Variants in AP1B1 observed in about 807,000 individuals in gnomAD.
AP1B1 encodes the protein adaptor related protein complex 1 subunit beta 1.
AP1B1 carries 36 observed loss-of-function variants against 104.3 expected under a neutral mutation model. The observed-to-expected ratio is 0.35, with a 90% CI of 0.26 to 0.46. The LOEUF (loss-of-function observed/expected upper bound fraction) is 0.46, where lower values mean the gene tolerates loss of function less well. Among genes scored for constraint, AP1B1 ranks in the 20% least tolerant of loss-of-function variants. The pLI is 1.00. For missense variants in AP1B1, 901 were observed against 1,247.9 expected (o/e 0.72, Z 4.19); for synonymous variants, 504 against 517.5 (o/e 0.97, Z 0.35).
At chr22:29,349,152 A>T (rs937939331) in intron 11 of AP1B1, 66 bp downstream of exon 11, 2 of 1,574,360 alleles carry the variant, frequency 1.3e-6, no homozygotes, top group Non-Finnish European at 1.7e-6. Flanking sequence ...GTTTCATGGC[A>T]GTATGGGCCA....
chr22:29,344,771 G>A lies in AP1B1; in HGVS notation c.1438-2388C>T, dbSNP rs929704386. Among the ~76,000 whole-genome samples, 7 of 151,930 alleles carry A rather than the reference G, an allele frequency of 4.6e-5. No individual in the cohort carries two copies. In the South Asian group the frequency reaches 6.2e-4, roughly 13 times the overall value. On this transcript the variant is annotated intron_variant, in intron 11 of 22. Transcript: ENST00000357586. ...TGACCTAAAGTGATCCACCCACCTCGGCCTCCCAAAGTACTGGGATTACAG... is the reference window on the plus strand; with the variant it reads ...TGACCTAAAGTGATCCACCCACCTCAGCCTCCCAAAGTACTGGGATTACAG...
chr22:29,372,412 G>A (rs1602791151), intron 1 of AP1B1, among the ~76,000 whole-genome samples: 2 of 131,096 alleles, frequency 1.5e-5, no homozygotes, highest in East Asian at 2.2e-4. Flanking sequence ...CAACAAGAAC[G>A]AAACTGGGTC....
At chr22:29,338,181 C>T (rs149185604) in intron 16 of AP1B1, among the ~76,000 whole-genome samples, 2 of 152,336 alleles carry the variant, frequency 1.3e-5, no homozygotes, top group East Asian at 3.9e-4. Context: ...AAGCAACTGT[C>T]CTGCATCCTT....
At chr22:29,370,788 C>G (rs2062222516) in intron 1 of AP1B1, 1 of 152,194 alleles carries the variant, frequency 6.6e-6, no homozygotes, top group African/African-American at 2.4e-5. Flanking sequence ...CAAAGCACAG[C>G]TGCAGATACC....
intron 2 of AP1B1, among the ~76,000 whole-genome samples, chr22:29,366,820 G>A (rs930504942): frequency 1.4e-5 from 2 of 139,414 alleles, no homozygotes; most frequent in African/African-American, 5.3e-5. Context: ...AAAAACACGT[G>A]CCCTTGGATA....
intron 7 of AP1B1, among the ~76,000 whole-genome samples, chr22:29,353,359 T>C (rs548981653): frequency 2.0e-5 from 3 of 152,260 alleles, no homozygotes; most frequent in South Asian, 2.1e-4. Context: ...TTTCTGCGAT[T>C]AGGACTTGGC....
At chr22:29,342,954 A>C (rs2033359182) in intron 11 of AP1B1, among the ~76,000 whole-genome samples, 1 of 151,444 alleles carries the variant, frequency 6.6e-6, no homozygotes, top group South Asian at 2.1e-4. Flanking sequence ...TGCCAACCCC[A>C]CCTCCAGACC....
At chr22:29,360,490 C>T (rs545139937) in intron 3 of AP1B1, among the ~76,000 whole-genome samples, 1 of 152,266 alleles carries the variant, frequency 6.6e-6, no homozygotes, top group African/African-American at 2.4e-5. Flanking sequence ...TCTGGAGGGT[C>T]GCAGGGAAGC....
rs200775402 is a variant in AP1B1 at position 29,369,399 on chromosome 22, TAA to T, written c.-27-2131_-27-2130del. ...AAATCCTTTGTGGATCCTGAAGGAA[TAA>T]AGGAATAAAGGCTTCACTGACAAAA... On this transcript the variant is annotated intron_variant, in intron 1 of 22. Coordinates refer to ENST00000357586, the MANE Select transcript of AP1B1 (RefSeq NM_001127.4). 9.7e-3 allele frequency among the ~76,000 whole-genome samples: 1,483 copies of T among 152,212 alleles called. 28 individuals are homozygous for T. Among genetic ancestry groups the T allele is most frequent in the African/African-American group, 0.033 (1,362 of 41,534 alleles).
chr22:29,366,667 C>T (rs1177768606), intron 2 of AP1B1, among the ~76,000 whole-genome samples: 1 of 151,922 alleles, frequency 6.6e-6, no homozygotes, highest in Non-Finnish European at 1.5e-5. Context: ...GGCATAGCGG[C>T]GGGCGCATGT....
At chr22:29,349,124 A>G in intron 11 of AP1B1, 94 bp downstream of exon 11, 6 of 1,452,258 alleles carry the variant, frequency 4.1e-6, no homozygotes, top group Non-Finnish European at 5.6e-6. Flanking sequence ...GCTGTTTACG[A>G]GGTAATAGGA....
chr22:29,353,400 G>T (rs929461398), intron 7 of AP1B1, among the ~76,000 whole-genome samples: 4 of 152,096 alleles, frequency 2.6e-5, no homozygotes, highest in South Asian at 4.1e-4. Context: ...TCAGGACCAG[G>T]GCAGGGCATG....
chr22:29,351,423 A>G (rs79760348), intron 8 of AP1B1, 157 bp from the exon 9 acceptor site: 1 of 953,056 alleles, frequency 1.0e-6, no homozygotes, highest in Non-Finnish European at 1.6e-6. Context: ...CAGGTGCCTG[A>G]AAAGGAAAGA....
intron 11 of AP1B1, among the ~76,000 whole-genome samples, chr22:29,344,836 T>A (rs2061768003): frequency 1.3e-5 from 2 of 152,044 alleles, no homozygotes; most frequent in African/African-American, 4.8e-5. Flanking sequence ...CTAAGTCTGC[T>A]GTCCATGGCT....
chr22:29,328,785 G>A lies in AP1B1; in HGVS notation c.*36C>T, dbSNP rs1338837367. 1 of 1,588,118 alleles carries A rather than the reference G, an allele frequency of 6.3e-7. No individual in the cohort carries two copies. The highest frequency in any genetic ancestry group is 1.8e-5 in the Admixed American group (1 of 54,926). On this transcript the variant is annotated 3_prime_UTR_variant, in exon 23 of 23. Coordinates refer to ENST00000357586, the MANE Select transcript of AP1B1 (RefSeq NM_001127.4). This position sits in a 1 kb window ranked among gnomAD's most constrained non-coding sequence, Gnocchi z 4.1. ...GCCCCCGAGGGGCCTCCTCGATGGG[G>A]CGGGCAGAAGGCTGGGGTGGGCGCT...
chr22:29,328,693 G>T lies in AP1B1; in HGVS notation c.*128C>A. 1.6e-6 allele frequency: 2 copies of T among 1,225,672 alleles called. No homozygotes were observed. Among genetic ancestry groups the T allele is most frequent in the Non-Finnish European group, 2.3e-6 (2 of 887,476 alleles). The allele number at this position is 1,225,672 out of a possible 1,614,324, so 75.9% of individuals were successfully genotyped here. On this transcript the variant is annotated 3_prime_UTR_variant, in exon 23 of 23. Transcript: ENST00000357586. The surrounding 1 kb of genome is among the most constrained non-coding windows in gnomAD (Gnocchi z 4.1). ...AGGGATCGGGTGGGTTCTGCCATCA[G>T]GACCAGGGAGCCCACTGAGTGGCCT...
At chr22:29,336,847 A>AGCT (rs2147945266) in intron 16 of AP1B1, among the ~76,000 whole-genome samples, 1 of 150,232 alleles carries the variant, frequency 6.7e-6, no homozygotes, top group Admixed American at 6.6e-5. Flanking sequence ...GCCTAGTGCC[A>AGCT]GCTTGCCAAA....
intron 16 of AP1B1, among the ~76,000 whole-genome samples, chr22:29,338,446 G>A (rs984587523): frequency 2.6e-5 from 4 of 152,168 alleles, no homozygotes; most frequent in African/African-American, 7.2e-5. Flanking sequence ...TGGGGTGAGC[G>A]GGCAGGCGTG....
At chr22:29,354,048 A>C (rs1164348751) in intron 7 of AP1B1, among the ~76,000 whole-genome samples, 4 of 152,170 alleles carry the variant, frequency 2.6e-5, no homozygotes, top group Non-Finnish European at 5.9e-5. Context: ...GTGCCCTGGG[A>C]GCAGCAGCTC....
Sources: gnomAD v4.1 joint callset for allele counts (sites outside exome capture counted in the v4.1 genomes callset) on GRCh38, gnomAD v4.1.1 for gene constraint, Gnocchi (gnomAD v3.1) non-coding constraint, MANE v1.5 for transcripts, NCBI Gene and HGNC (gene_info 2026-07-23, HGNC 2026-07-21) for gene names.